The following SBF2 variants were observed in gnomAD, a reference collection of about 807,000 sequenced individuals.
SBF2 encodes the protein myotubularin-related protein 13.
A neutral mutation model predicts 225.2 loss-of-function variants in SBF2; 112 were observed. That is an observed-to-expected ratio of 0.50 (90% confidence interval 0.43 to 0.58). SBF2 has a LOEUF of 0.58. Among genes scored for constraint, SBF2 ranks in the 20% least tolerant of loss-of-function variants. The pLI is 0.00. For missense variants in SBF2, 1,996 were observed against 2,206.2 expected (o/e 0.90, Z 1.91); for synonymous variants, 763 against 773.3 (o/e 0.99, Z 0.22).
intron 2 of SBF2, among the ~76,000 whole-genome samples, chr11:10,117,960 C>T (rs772542463): frequency 6.6e-6 from 1 of 152,122 alleles, no homozygotes; most frequent in African/African-American, 2.4e-5. Context: ...TTGGCAGTTT[C>T]TATGTCATTC....
chr11:10,196,866 A>ATATATATATATATATATATATTTTTTTTT, intron 1 of SBF2, among the ~76,000 whole-genome samples: 11 of 99,286 alleles, frequency 1.1e-4, no homozygotes, highest in Non-Finnish European at 1.8e-4. Context: ...ATATATATAT[A>ATATATATATATATATATATATTTTTTTTT]TTTTTTTTTT....
intron 16 of SBF2, among the ~76,000 whole-genome samples, chr11:9,898,857 A>C (rs766248446): frequency 3.9e-5 from 6 of 152,190 alleles, no homozygotes; most frequent in Non-Finnish European, 8.8e-5. Context: ...ATAAGTGAAT[A>C]AATAAAGGAA....
intron 13 of SBF2, among the ~76,000 whole-genome samples, chr11:9,976,076 T>TC (rs1380474149): frequency 2.7e-4 from 40 of 149,128 alleles, no homozygotes; most frequent in Admixed American, 4.6e-4. Context: ...CTTCTTCTTT[T>TC]TTTTTTTTTT....
chr11:9,971,118 T>C (rs889665638), intron 13 of SBF2, among the ~76,000 whole-genome samples: 3 of 152,214 alleles, frequency 2.0e-5, no homozygotes, highest in East Asian at 1.9e-4. Context: ...AGGTAATTCA[T>C]ATGGATCTTG....
At chr11:9,866,799 A>G (rs544883331) in intron 17 of SBF2, among the ~76,000 whole-genome samples, 2 of 152,350 alleles carry the variant, frequency 1.3e-5, no homozygotes, top group East Asian at 3.8e-4. Flanking sequence ...AACAACATAC[A>G]AAATGGGAGA....
At chr11:10,129,391 C>A (rs1164073177) in intron 2 of SBF2, among the ~76,000 whole-genome samples, 3 of 152,134 alleles carry the variant, frequency 2.0e-5, no homozygotes, top group African/African-American at 7.2e-5. Context: ...GCATGAGCCA[C>A]CGCGCCCGGC....
intron 1 of SBF2, among the ~76,000 whole-genome samples, chr11:10,236,943 G>T (rs1484811170): frequency 6.6e-6 from 1 of 152,150 alleles, no homozygotes; most frequent in African/African-American, 2.4e-5. Flanking sequence ...ACAGGACACA[G>T]ATCTGGAAAG....
chr11:9,839,456 A>C, intron 26 of SBF2, 42 bp downstream of exon 26: 1 of 1,581,746 alleles, frequency 6.3e-7, no homozygotes, highest in Non-Finnish European at 8.7e-7. Context: ...AATAAGAAGA[A>C]AGGAAGGAAG....
chr11:10,200,797 T>C (rs1957541938), intron 1 of SBF2, among the ~76,000 whole-genome samples: 2 of 152,026 alleles, frequency 1.3e-5, no homozygotes, highest in Admixed American at 1.3e-4. Context: ...TGCAGTAGAA[T>C]AAAAACAAAA....
rs1037362508 is a variant in SBF2, at chr11:9,808,560, G to A, written c.4257+341C>T. On this transcript the variant is annotated intron_variant, in intron 31 of 39. Coordinates refer to ENST00000256190, the MANE Select transcript of SBF2 (RefSeq NM_030962.4). ...CTGAACTCACACTTTTCACTCTGGA[G>A]TGAGTTAAGGCGGGGCTTATAGAGA... 3.7e-5 allele frequency: 15 copies of A among 408,906 alleles called. 1 individual carries two copies. In the Admixed American group the frequency reaches 4.4e-4, roughly 12 times the overall value. 25.3% of individuals were successfully genotyped at this position (408,906 alleles called of 1,614,324 possible).
intron 26 of SBF2, among the ~76,000 whole-genome samples, chr11:9,833,451 C>T (rs562705909): frequency 1.1e-3 from 145 of 136,260 alleles, no homozygotes; most frequent in Non-Finnish European, 1.7e-3. Flanking sequence ...GATGCAGTCT[C>T]GCTCTGTCGC....
At chr11:9,872,988 T>C (rs1263183959) in intron 17 of SBF2, among the ~76,000 whole-genome samples, 1 of 151,882 alleles carries the variant, frequency 6.6e-6, no homozygotes, top group Non-Finnish European at 1.5e-5. Context: ...CCATAGATCA[T>C]GAGGTCAGGA....
intron 2 of SBF2, among the ~76,000 whole-genome samples, chr11:10,080,669 C>T (rs1018260326): frequency 1.5e-4 from 23 of 152,070 alleles, no homozygotes; most frequent in East Asian, 1.4e-3. Flanking sequence ...GATACAGATT[C>T]GTGGAATGAA....
At chr11:9,998,488 ACT>A (rs1947807663) in intron 8 of SBF2, 109 bp from the exon 9 acceptor site, 1 of 671,474 alleles carries the variant, frequency 1.5e-6, no homozygotes, top group East Asian at 2.7e-5. Context: ...TGTGGAAGAG[ACT>A]CTTGTTTGTC....
chr11:10,293,946 C>CCGA, intron 1 of SBF2, 69 bp downstream of exon 1: 11 of 1,179,210 alleles, frequency 9.3e-6, no homozygotes, highest in South Asian at 6.7e-5. Context: ...ACGCCCGGCC[C>CCGA]CGCGGAGCCC....
chr11:10,125,744 C>G (rs1953719023), intron 2 of SBF2, among the ~76,000 whole-genome samples: 1 of 152,198 alleles, frequency 6.6e-6, no homozygotes, highest in African/African-American at 2.4e-5. Context: ...ATGTCCTTTT[C>G]TGTTCCAGGA....
chr11:10,171,338 T>C (rs1956178789), intron 2 of SBF2, among the ~76,000 whole-genome samples: 1 of 152,192 alleles, frequency 6.6e-6, no homozygotes, highest in African/African-American at 2.4e-5. Context: ...TTTAAACAGT[T>C]TGTATCATAA....
chr11:10,088,538 G>C (rs1951664213), intron 2 of SBF2, among the ~76,000 whole-genome samples: 1 of 152,184 alleles, frequency 6.6e-6, no homozygotes, highest in African/African-American at 2.4e-5. Context: ...AGGGCCTCAG[G>C]CTGCTTCTAC....
chr11:9,799,110 T>A (rs1299983046), intron 32 of SBF2, among the ~76,000 whole-genome samples: 1 of 152,198 alleles, frequency 6.6e-6, no homozygotes, highest in African/African-American at 2.4e-5. Context: ...AGGAATACAA[T>A]TTTGAAGACC....
Sources: allele counts gnomAD v4.1 joint callset (sites outside exome capture counted in the v4.1 genomes callset), GRCh38; gene constraint gnomAD v4.1.1; transcripts MANE v1.5; gene names NCBI Gene and HGNC (gene_info 2026-07-23, HGNC 2026-07-21).